Variants in EHD4 observed in about 807,000 individuals in gnomAD.
EHD4 encodes the protein EH domain-containing protein 4.
A neutral mutation model predicts 51.0 loss-of-function variants in EHD4; 37 were observed. That is an observed-to-expected ratio of 0.73 (90% confidence interval 0.56 to 0.95). The LOEUF (loss-of-function observed/expected upper bound fraction) is 0.95. Among genes scored for constraint, EHD4 ranks in the 40% least tolerant of loss-of-function variants. The probability of loss-of-function intolerance (pLI) is 0.00; values close to 1 mark genes in which losing one functional copy is unlikely to be tolerated. For synonymous variants in EHD4, 297 were observed against 317.3 expected, an observed-to-expected ratio of 0.94 and a Z score of 0.68; for missense variants, 632 against 733.1, an observed-to-expected ratio of 0.86 and a Z score of 1.59.
chr15:41,905,493 T>C (rs1011788068), intron 5 of EHD4, among the ~76,000 whole-genome samples: 17 of 152,200 alleles, frequency 1.1e-4, no homozygotes, highest in Non-Finnish European at 1.8e-4. Context: ...GCTGGGGATA[T>C]GGCAGTGAAC....
At chr15:41,936,878 AGGAT>A in intron 3 of EHD4, among the ~76,000 whole-genome samples, 1 of 152,218 alleles carries the variant, frequency 6.6e-6, no homozygotes, top group Non-Finnish European at 1.5e-5. Context: ...AAAAGAAATC[AGGAT>A]TTCCTGCTAG....
chr15:41,949,041 T>TAC, intron 2 of EHD4, among the ~76,000 whole-genome samples: 1 of 134,734 alleles, frequency 7.4e-6, no homozygotes, highest in South Asian at 2.5e-4. Context: ...TATATATATA[T>TAC]ATATATATAT....
chr15:41,909,939 A>T lies in EHD4; in HGVS notation c.925-76T>A, dbSNP rs1029294248. On this transcript the variant is annotated intron_variant, in intron 4 of 5. Coordinates refer to ENST00000220325, the MANE Select transcript of EHD4 (RefSeq NM_139265.4). Reference sequence around the variant, plus strand: ...GAAGGAACAAACAAGATTGCATCTTAACTCCATCATAACACATAACAGGTA... The same window carrying T: ...GAAGGAACAAACAAGATTGCATCTTTACTCCATCATAACACATAACAGGTA... 4.5e-6 allele frequency: 7 copies of T among 1,568,562 alleles called. No homozygotes were observed. The African/African-American group carries it at 9.5e-5, about 21-fold the overall frequency.
At chr15:41,949,682 A>G (rs1358982011) in intron 2 of EHD4, among the ~76,000 whole-genome samples, 1 of 152,204 alleles carries the variant, frequency 6.6e-6, no homozygotes, top group Admixed American at 6.5e-5. Context: ...GCAATGAGGA[A>G]GTACATGAGA....
At chr15:41,922,005 A>T (rs1416652747) in intron 3 of EHD4, among the ~76,000 whole-genome samples, 1 of 152,214 alleles carries the variant, frequency 6.6e-6, no homozygotes, top group Non-Finnish European at 1.5e-5. Flanking sequence ...CTAGTTCTCC[A>T]ACTTTCCCAT....
intron 4 of EHD4, among the ~76,000 whole-genome samples, chr15:41,913,721 A>G (rs1440810706): frequency 6.6e-6 from 1 of 152,208 alleles, no homozygotes; most frequent in East Asian, 1.9e-4. Context: ...TCCTTACCAA[A>G]TAATTAATAA....
chr15:41,917,665 G>A lies in EHD4; in HGVS notation c.924+1545C>T, dbSNP rs943282405. ...AAACACCACAAACCAAGGGATCACCGAGTGGAAAAACAGCCTTCCTGCTAC... is the reference window on the plus strand; with the variant it reads ...AAACACCACAAACCAAGGGATCACCAAGTGGAAAAACAGCCTTCCTGCTAC... On this transcript the variant is annotated intron_variant, in intron 4 of 5. Transcript: ENST00000220325. Among the ~76,000 whole-genome samples the A allele has an allele frequency of 4.6e-5, 7 of 152,304 alleles. No homozygotes were observed. In the East Asian group the frequency reaches 7.7e-4, roughly 17 times the overall value.
At chr15:41,964,909 C>T (rs1224499741) in intron 1 of EHD4, among the ~76,000 whole-genome samples, 1 of 151,970 alleles carries the variant, frequency 6.6e-6, no homozygotes, top group Non-Finnish European at 1.5e-5. Flanking sequence ...GTAACTGGGA[C>T]TACAGGCATG....
At chr15:41,969,318 G>A (rs1323536362) in intron 1 of EHD4, among the ~76,000 whole-genome samples, 2 of 152,140 alleles carry the variant, frequency 1.3e-5, no homozygotes, top group Non-Finnish European at 2.9e-5. Context: ...AGGCCAAGGC[G>A]GGCAAATCAC....
chr15:41,902,809 G>A (rs1277514208), intron 5 of EHD4, among the ~76,000 whole-genome samples: 1 of 138,784 alleles, frequency 7.2e-6, no homozygotes, highest in Non-Finnish European at 1.5e-5. Context: ...ATATGTATGT[G>A]TATATATATG....
intron 5 of EHD4, among the ~76,000 whole-genome samples, chr15:41,906,292 C>T (rs2067511678): frequency 6.6e-6 from 1 of 152,118 alleles, no homozygotes; most frequent in Non-Finnish European, 1.5e-5. Context: ...TTTTTGCATA[C>T]TCACAAATCA....
chr15:41,922,816 T>C (rs2067636000), intron 3 of EHD4, among the ~76,000 whole-genome samples: 1 of 152,228 alleles, frequency 6.6e-6, no homozygotes, highest in African/African-American at 2.4e-5. Flanking sequence ...ATATCCATAT[T>C]TTCTTGTGTT....
At chr15:41,959,280 C>T (rs1321921053) in intron 1 of EHD4, among the ~76,000 whole-genome samples, 1 of 151,708 alleles carries the variant, frequency 6.6e-6, no homozygotes, top group East Asian at 1.9e-4. Flanking sequence ...CCTGTAGTCC[C>T]AGCTACTCGG....
At position 41,972,553 on chromosome 15, in the gene EHD4, G is replaced by T. The variant is rs761908471; in HGVS notation, c.-59C>A. 2.9e-6 allele frequency: 4 copies of T among 1,399,458 alleles called. No homozygotes were observed. Among genetic ancestry groups the T allele is most frequent in the Non-Finnish European group, 3.7e-6 (4 of 1,084,698 alleles). 86.7% of individuals were successfully genotyped at this position (1,399,458 alleles called of 1,614,324 possible). ...CTCCGGGTTCGACTCTCCCCGGCTC[G>T]CACTGAGCCGCCCCGGCCGCGCTGG... On this transcript the variant is annotated 5_prime_UTR_variant, in exon 1 of 6. Coordinates refer to ENST00000220325, the MANE Select transcript of EHD4 (RefSeq NM_139265.4).
At chr15:41,918,089 C>T (rs1273249511) in intron 4 of EHD4, among the ~76,000 whole-genome samples, 1 of 152,076 alleles carries the variant, frequency 6.6e-6, no homozygotes, top group Non-Finnish European at 1.5e-5. Flanking sequence ...AAGAATTGTC[C>T]CCACCTTGGC....
At chr15:41,959,976 A>G (rs2067914570) in intron 1 of EHD4, among the ~76,000 whole-genome samples, 1 of 152,116 alleles carries the variant, frequency 6.6e-6, no homozygotes, top group African/African-American at 2.4e-5. Flanking sequence ...AAAAAAAAAA[A>G]AAAGCAGTTT....
At chr15:41,929,075 G>T (rs919078205) in intron 3 of EHD4, among the ~76,000 whole-genome samples, 1 of 152,206 alleles carries the variant, frequency 6.6e-6, no homozygotes, top group Non-Finnish European at 1.5e-5. Context: ...AACCCCAGAG[G>T]TTGTCTCCCA....
rs2067448960 is a variant in EHD4 at position 41,897,751 on chromosome 15, C to T, written c.*2894G>A. 1 of 152,210 alleles carries T rather than the reference C, an allele frequency of 6.6e-6. No individual in the cohort carries two copies. The highest frequency in any genetic ancestry group is 1.5e-5 in the Non-Finnish European group (1 of 68,048). The allele number at this position is 152,210 out of a possible 1,614,324, so 9.4% of individuals were successfully genotyped here. On this transcript the variant is annotated 3_prime_UTR_variant, in exon 6 of 6. Transcript: ENST00000220325. Reference sequence around the variant, plus strand: ...TTTCATTTTCCCTTTAAACTCAAGACCGGAAGGTTTGTGTTATGCGATACC... The same window carrying T: ...TTTCATTTTCCCTTTAAACTCAAGATCGGAAGGTTTGTGTTATGCGATACC...
chr15:41,949,051 T>TATATACAC (rs1491135423), intron 2 of EHD4, among the ~76,000 whole-genome samples: 31 of 109,442 alleles, frequency 2.8e-4, no homozygotes, highest in South Asian at 1.1e-3. Flanking sequence ...TATATATATA[T>TATATACAC]ACACACATAC....
Sources: gnomAD v4.1 joint callset for allele counts (sites outside exome capture counted in the v4.1 genomes callset) on GRCh38, gnomAD v4.1.1 for gene constraint, MANE v1.5 for transcripts, NCBI Gene and HGNC (gene_info 2026-07-23, HGNC 2026-07-21) for gene names.